Variants in PROX1 observed in about 807,000 individuals in gnomAD.
PROX1 encodes prospero homeobox 1, also known as prospero homeobox protein 1.
Under a neutral mutation model 58.8 loss-of-function variants are expected in PROX1, and 7 were observed. The ratio of observed to expected loss-of-function variants is 0.12; its 90% CI spans 0.07 to 0.22. PROX1 has a LOEUF of 0.22. PROX1 is among the 10% of genes least tolerant of loss of function. PROX1 has a pLI of 1.00. For synonymous variants in PROX1, 350 were observed against 358.3 expected, an observed-to-expected ratio of 0.98 and a Z score of 0.26; for missense variants, 675 against 927.8, an observed-to-expected ratio of 0.73 and a Z score of 3.54.
chr1:214,008,419 AC>A (rs1443660451), intron 3 of PROX1, among the ~76,000 whole-genome samples: 20 of 139,308 alleles, frequency 1.4e-4, no homozygotes, highest in African/African-American at 4.2e-4. Context: ...AACAACAACA[AC>A]AACAACAAAA....
chr1:214,005,375 T>C, intron 3 of PROX1, 103 bp downstream of exon 3: 1 of 847,018 alleles, frequency 1.2e-6, no homozygotes, highest in Non-Finnish European at 1.9e-6. Flanking sequence ...GGTTTATTCC[T>C]ACACCTGTGT....
chr1:214,002,281 G>C (rs1023870765), intron 2 of PROX1, among the ~76,000 whole-genome samples: 1 of 152,036 alleles, frequency 6.6e-6, no homozygotes, highest in African/African-American at 2.4e-5. Flanking sequence ...ACAACACTTA[G>C]GTTCTCAGGT....
At chr1:214,003,140 A>T (rs2884890) in intron 2 of PROX1, among the ~76,000 whole-genome samples, 42,108 of 152,184 alleles carry the variant, frequency 0.28, 6,040 homozygotes, top group Admixed American at 0.39. Context: ...CTTAGCATAA[A>T]TTAGATGTAT....
At chr1:214,035,325 T>C (rs958527491) in intron 4 of PROX1, among the ~76,000 whole-genome samples, 1 of 152,212 alleles carries the variant, frequency 6.6e-6, no homozygotes, top group African/African-American at 2.4e-5. Context: ...TTCTTCTGGA[T>C]AGCACTTATT....
Position 214,031,226 on chromosome 1 carries a change from T to C in PROX1, c.2029-4423T>C, listed in dbSNP as rs551231841. ...CTGTGATGAAATTGGTAGAAGCTGATAGCCAACCCCCTTCAAATTTATGCA... is the reference window on the plus strand; with the variant it reads ...CTGTGATGAAATTGGTAGAAGCTGACAGCCAACCCCCTTCAAATTTATGCA... On this transcript the variant is annotated intron_variant, in intron 4 of 4. Coordinates refer to ENST00000366958, the MANE Select transcript of PROX1 (RefSeq NM_001270616.2). Among the ~76,000 whole-genome samples, 7 of 152,282 alleles carry C rather than the reference T, an allele frequency of 4.6e-5. No homozygotes were observed. The South Asian group carries it at 1.5e-3, about 32-fold the overall frequency.
intron 3 of PROX1, among the ~76,000 whole-genome samples, chr1:214,011,008 C>A (rs1290988398): frequency 6.6e-6 from 1 of 152,104 alleles, no homozygotes; most frequent in South Asian, 2.1e-4. Context: ...CAAATGCCAA[C>A]TCCTCCCATT....
intron 4 of PROX1, chr1:214,030,676 A>G (rs1664618153): frequency 6.6e-6 from 1 of 152,214 alleles, no homozygotes; most frequent in Non-Finnish European, 1.5e-5. Flanking sequence ...TCCAGAAAAT[A>G]GGAGAGGCTG....
chr1:214,035,872 C>T lies in PROX1; in HGVS notation c.*38C>T, dbSNP rs1443139108. On this transcript the variant is annotated 3_prime_UTR_variant, in exon 5 of 5. Coordinates refer to ENST00000366958, the MANE Select transcript of PROX1 (RefSeq NM_001270616.2). ...CTCTTTTTGAATGTATGAAGAGTAG[C>T]AGTCCCCTTTGGATGTCCAAGTTAT... 3.2e-6 allele frequency: 5 copies of T among 1,562,348 alleles called. No individual in the cohort carries two copies. Among genetic ancestry groups the T allele is most frequent in the South Asian group, 1.2e-5 (1 of 83,978 alleles).
At position 214,031,073 on chromosome 1, in the gene PROX1, G is replaced by A. The variant is rs141617632; in HGVS notation, c.2029-4576G>A. Among the ~76,000 whole-genome samples, 52 of 151,766 alleles carry A rather than the reference G, an allele frequency of 3.4e-4. 1 individual carries two copies. Among genetic ancestry groups the A allele is most frequent in the East Asian group, 7.8e-4 (4 of 5,114 alleles). ...TGTGTGTGTGTGTGTGTGTGCGCGC[G>A]CGCGCATTCGCGCACGCACACACAC... On this transcript the variant is annotated intron_variant, in intron 4 of 4. Transcript: ENST00000366958.
chr1:214,032,663 G>A (rs369558277), intron 4 of PROX1, among the ~76,000 whole-genome samples: 4 of 152,106 alleles, frequency 2.6e-5, no homozygotes, highest in East Asian at 3.9e-4. Flanking sequence ...CCACTCTAGA[G>A]CAATATGGAG....
At chr1:214,032,588 G>C (rs1264147208) in intron 4 of PROX1, among the ~76,000 whole-genome samples, 1 of 151,936 alleles carries the variant, frequency 6.6e-6, no homozygotes, top group Non-Finnish European at 1.5e-5. Flanking sequence ...TAGAGACGGG[G>C]TTTCATCATG....
chr1:214,000,720 A>G (rs1022613691), intron 2 of PROX1, among the ~76,000 whole-genome samples: 17 of 152,186 alleles, frequency 1.1e-4, no homozygotes, highest in Admixed American at 9.2e-4. Flanking sequence ...AACCTTTTCT[A>G]TAGTTCCCAC....
chr1:214,006,195 C>T (rs922537010), intron 3 of PROX1, among the ~76,000 whole-genome samples: 2 of 143,442 alleles, frequency 1.4e-5, no homozygotes, highest in African/African-American at 5.2e-5. Context: ...ACAAGTTCTT[C>T]TTTCTGCCAT....
At chr1:214,024,563 C>A (rs754631725) in intron 4 of PROX1, among the ~76,000 whole-genome samples, 44 of 152,116 alleles carry the variant, frequency 2.9e-4, no homozygotes, top group Non-Finnish European at 5.6e-4. Context: ...ATGAGCAATC[C>A]CTTTCTCATC....
In PROX1 at chr1:213,997,804, C is replaced by A. The variant is rs779435657; in HGVS notation, c.1269C>A (p.Thr423=). The A allele has an allele frequency of 1.2e-6, 2 of 1,614,250 alleles. No homozygotes were observed. Among genetic ancestry groups the A allele is most frequent in the Non-Finnish European group, 1.7e-6 (2 of 1,180,050 alleles). Residue 423 remains threonine, a synonymous_variant, in exon 2 of 5, where the codon ACC becomes ACA. Coordinates refer to ENST00000366958, the MANE Select transcript of PROX1 (RefSeq NM_001270616.2). This position sits in a 1 kb window ranked among gnomAD's most constrained non-coding sequence, Gnocchi z 7.1. ...GDVIIPNPLD[T]FGNVQMASST... ...TCATCATTCCGAACCCCCTGGACAC[C>A]TTTGGCAATGTGCAGATGGCCAGTT...
intron 4 of PROX1, among the ~76,000 whole-genome samples, chr1:214,033,914 T>C (rs1664746240): frequency 6.6e-6 from 1 of 152,210 alleles, no homozygotes; most frequent in Admixed American, 6.5e-5. Context: ...TCCACATGAA[T>C]TCTCAGCAGA....
rs1052787389 is a variant in PROX1 at position 214,011,719 on chromosome 1, G to A, written c.2028+4G>A. On this transcript the variant is annotated splice_donor_region_variant and intron_variant, in intron 4 of 4. Transcript: ENST00000366958. ...CAATAAAGCAAATGACTTTGAGGTA[G>A]GAACTAATCTTTATTTTTTGGTCAT... 3.9e-6 allele frequency: 6 copies of A among 1,541,026 alleles called. No homozygotes were observed. The South Asian group carries it at 7.4e-5, about 19-fold the overall frequency.
chr1:214,035,065 T>G (rs929994373), intron 4 of PROX1, among the ~76,000 whole-genome samples: 1 of 152,200 alleles, frequency 6.6e-6, no homozygotes, highest in African/African-American at 2.4e-5. Flanking sequence ...ATGTTAATAT[T>G]ATTATTTTAC....
At chr1:213,998,475 A>G (rs980796031) in intron 2 of PROX1, among the ~76,000 whole-genome samples, 9 of 152,144 alleles carry the variant, frequency 5.9e-5, no homozygotes, top group African/African-American at 2.2e-4. Flanking sequence ...AGCTTCCACA[A>G]GTTGTTCACT....
Sources: allele counts gnomAD v4.1 joint callset (sites outside exome capture counted in the v4.1 genomes callset), GRCh38; gene constraint gnomAD v4.1.1; non-coding constraint Gnocchi (gnomAD v3.1); transcripts MANE v1.5; gene names NCBI Gene and HGNC (gene_info 2026-07-23, HGNC 2026-07-21).